Variants in WASHC5 observed in about 807,000 individuals in gnomAD.
WASHC5 encodes WASH complex subunit strumpellin.
Under a neutral mutation model 150.4 loss-of-function variants are expected in WASHC5, and 101 were observed. The observed-to-expected ratio is 0.67, with a 90% CI of 0.57 to 0.79. The LOEUF (loss-of-function observed/expected upper bound fraction) is 0.79. Ranked by LOEUF, WASHC5 falls within the 30% of genes least tolerant of loss-of-function variation. WASHC5 has a pLI of 0.00. For missense variants in WASHC5, 1,195 were observed against 1,396.3 expected (o/e 0.86, Z 2.30); for synonymous variants, 467 against 491.2 (o/e 0.95, Z 0.65).
At chr8:125,081,557 T>A in intron 5 of WASHC5, 104 bp downstream of exon 5, 1 of 786,820 alleles carries the variant, frequency 1.3e-6, no homozygotes, top group Non-Finnish European at 2.3e-6. Context: ...TACTTTCTTA[T>A]CTATTCTTGG....
In WASHC5 at chr8:125,032,290, G is replaced by C; in HGVS notation, c.3286C>G (p.Leu1096Val). 6.2e-7 allele frequency: 1 copy of C among 1,614,196 alleles called. No homozygotes were observed. The highest frequency in any genetic ancestry group is 8.5e-7 in the Non-Finnish European group (1 of 1,180,030). ...QFHSRYTEQF[L>V]ALIGQFICST... ...CAGATAAACTGGCCAATCAGCGCCA[G>C]GAACTGCTCGGTGTACCGGGAATGG... Residue 1096 changes from leucine (L) to valine (V), a missense_variant, in exon 27 of 29, where the codon CTG (leucine) becomes GTG (valine). Leu to Val is a conservative substitution (Grantham distance 32). This residue lies in a region of WASHC5 where 997 missense variants were observed against 1,168.1 expected (regional missense o/e 0.85). Coordinates refer to ENST00000318410, the MANE Select transcript of WASHC5 (RefSeq NM_014846.4).
intron 11 of WASHC5, among the ~76,000 whole-genome samples, chr8:125,062,811 A>G (rs901652892): frequency 6.6e-6 from 1 of 152,188 alleles, no homozygotes. Flanking sequence ...TTAAAACAAA[A>G]TTAAGCGTTA....
At chr8:125,047,179 G>C in intron 20 of WASHC5, 28 bp downstream of exon 20, 2 of 1,613,502 alleles carry the variant, frequency 1.2e-6, no homozygotes, top group South Asian at 1.1e-5. Context: ...GCAGTATTCA[G>C]GGCTCTGTAG....
chr8:125,072,470 C>T (rs1334452975), intron 9 of WASHC5, among the ~76,000 whole-genome samples: 2 of 151,884 alleles, frequency 1.3e-5, no homozygotes, highest in Non-Finnish European at 2.9e-5. Context: ...ACCTCCCAGG[C>T]TCAAGTGATC....
intron 1 of WASHC5, among the ~76,000 whole-genome samples, 200 bp downstream of exon 1, chr8:125,091,415 T>C (rs2130262155): frequency 6.6e-6 from 1 of 151,786 alleles, no homozygotes; most frequent in South Asian, 2.1e-4. Context: ...GAGGAAGGGG[T>C]GTGCAAAATG....
Position 125,059,501 on chromosome 8 carries a change from A to G in WASHC5, c.1563T>C (p.Cys521=). The G allele has an allele frequency of 6.2e-7, 1 of 1,613,858 alleles. No individual in the cohort carries two copies. Among genetic ancestry groups the G allele is most frequent in the African/African-American group, 1.3e-5 (1 of 75,020 alleles). ...ACTTTCGAGTATCGGCAAGAAACTG[A>G]CATACTTGCAGATTGGATTCCAACT... is the stretch of plus-strand genomic sequence containing the variant. ...FHQLESNLQV[C]QFLADTRKFL... The change falls in exon 13 of 29, where the codon TGT becomes TGC. Residue 521 remains cysteine, a synonymous_variant. Coordinates refer to ENST00000318410, the MANE Select transcript of WASHC5 (RefSeq NM_014846.4).
In WASHC5 at chr8:125,083,189, C is replaced by G. The variant is rs762641392; in HGVS notation, c.256G>C (p.Glu86Gln). The change falls in exon 3 of 29, where the codon GAA (glutamate) becomes CAA (glutamine). Residue 86 changes from glutamate (E) to glutamine (Q), a missense_variant. Physicochemically the swap from Glu to Gln is conservative, Grantham distance 29. Around this residue, in one of 3 missense-constraint regions of WASHC5, gnomAD observed 195 missense variants for 206.9 expected, o/e 0.94. Transcript: ENST00000318410. ...CTGGTCACAATTTCTATGTTGTTTTCACGAAATTCTTCATCTAAATCCTGT... is the reference window on the plus strand; with the variant it reads ...CTGGTCACAATTTCTATGTTGTTTTGACGAAATTCTTCATCTAAATCCTGT... ...ELQDLDEEFR[E>Q]NNIEIVTRFY... is the part of the protein sequence containing the mutation. The G allele has an allele frequency of 6.2e-7, 1 of 1,607,772 alleles. No homozygotes were observed. The highest frequency in any genetic ancestry group is 8.5e-7 in the Non-Finnish European group (1 of 1,174,752).
chr8:125,047,098 G>T, intron 20 of WASHC5, 109 bp downstream of exon 20: 1 of 1,336,788 alleles, frequency 7.5e-7, no homozygotes, highest in Non-Finnish European at 1.1e-6. Context: ...AATATGAGTT[G>T]ACAAGTGCAG....
chr8:125,046,785 G>A (rs1039374665), intron 20 of WASHC5, among the ~76,000 whole-genome samples: 1 of 152,118 alleles, frequency 6.6e-6, no homozygotes, highest in Non-Finnish European at 1.5e-5. Context: ...GTGGAGACAG[G>A]GGGGCGGGGG....
intron 26 of WASHC5, among the ~76,000 whole-genome samples, chr8:125,033,710 G>A (rs960613572): frequency 6.6e-6 from 1 of 152,004 alleles, no homozygotes; most frequent in Non-Finnish European, 1.5e-5. Context: ...CACCACGTCT[G>A]GCTAATTTTT....
rs1249648312 is a variant in WASHC5, at chr8:125,052,119, CTTTCTTTAGT to C, written c.2098-1464_2098-1455del. Among the ~76,000 whole-genome samples the C allele has an allele frequency of 3.3e-5, 5 of 152,122 alleles. No individual in the cohort carries two copies. In the South Asian group the frequency reaches 1.0e-3, roughly 32 times the overall value. On this transcript the variant is annotated intron_variant, in intron 17 of 28. Coordinates refer to ENST00000318410, the MANE Select transcript of WASHC5 (RefSeq NM_014846.4). ...TAATAACCTAATAGGCTACATCATT[CTTTCTTTAGT>C]TTTCAGCATCTGTGCTTTATTATAC...
At chr8:125,061,841 A>G (rs1263849949) in intron 11 of WASHC5, among the ~76,000 whole-genome samples, 2 of 152,214 alleles carry the variant, frequency 1.3e-5, no homozygotes, top group Non-Finnish European at 2.9e-5. Context: ...ATAGCAATAC[A>G]GGGAGGTGGA....
intron 23 of WASHC5, among the ~76,000 whole-genome samples, chr8:125,041,715 C>T (rs1201665121): frequency 6.6e-6 from 1 of 151,914 alleles, no homozygotes; most frequent in Non-Finnish European, 1.5e-5. Flanking sequence ...TTGTAATGGT[C>T]AAAAGTATTA....
In WASHC5 at chr8:125,076,474, A is replaced by C. The variant is rs1817064401; in HGVS notation, c.738T>G (p.His246Gln). 1 of 1,613,980 alleles carries C rather than the reference A, an allele frequency of 6.2e-7. No individual in the cohort carries two copies. The highest frequency in any genetic ancestry group is 8.5e-7 in the Non-Finnish European group (1 of 1,179,962). Residue 246 changes from histidine (H) to glutamine (Q), a missense_variant, in exon 7 of 29, where the codon CAT becomes CAG. By Grantham distance (24) the His-to-Gln change is conservative. Coordinates refer to ENST00000318410, the MANE Select transcript of WASHC5 (RefSeq NM_014846.4). ...NQVSAYPLPE[H>Q]RSTALANQAA... Reference sequence around the variant, plus strand: ...CTTGGTTTGCCAGGGCTGTGCTGCGATGCTCCGGCAAAGGATACGCTGAGA... The same window carrying C: ...CTTGGTTTGCCAGGGCTGTGCTGCGCTGCTCCGGCAAAGGATACGCTGAGA...
At chr8:125,026,878 A>T (rs1212618003) in intron 28 of WASHC5, among the ~76,000 whole-genome samples, 1 of 152,136 alleles carries the variant, frequency 6.6e-6, no homozygotes, top group East Asian at 1.9e-4. Flanking sequence ...ATGACATTTT[A>T]AAAAATATAT....
At chr8:125,046,842 G>A (rs1303714799) in intron 20 of WASHC5, among the ~76,000 whole-genome samples, 1 of 152,160 alleles carries the variant, frequency 6.6e-6, no homozygotes, top group Non-Finnish European at 1.5e-5. Flanking sequence ...TCCCTCACAT[G>A]CAAAGTTCAC....
At chr8:125,051,096 C>T (rs556323909) in intron 17 of WASHC5, among the ~76,000 whole-genome samples, 1 of 152,216 alleles carries the variant, frequency 6.6e-6, no homozygotes, top group African/African-American at 2.4e-5. Flanking sequence ...TTCTAGGCAC[C>T]TTATATCCAC....
intron 14 of WASHC5, among the ~76,000 whole-genome samples, chr8:125,059,002 C>G (rs1164379446): frequency 6.6e-6 from 1 of 152,082 alleles, no homozygotes; most frequent in Non-Finnish European, 1.5e-5. Flanking sequence ...AAATAGTATT[C>G]CTGAAGACAT....
intron 6 of WASHC5, 68 bp downstream of exon 6, chr8:125,078,670 A>T (rs1817134193): frequency 8.0e-7 from 1 of 1,257,722 alleles, no homozygotes. Flanking sequence ...GGAAAGGAGT[A>T]ATTAAAGAGG....
Sources: allele counts gnomAD v4.1 joint callset (sites outside exome capture counted in the v4.1 genomes callset), GRCh38; gene constraint gnomAD v4.1.1; regional missense constraint gnomAD v4.1.1; transcripts MANE v1.5; gene names NCBI Gene and HGNC (gene_info 2026-07-23, HGNC 2026-07-21).